Variants in ATP8A2 observed in about 807,000 individuals in gnomAD.
ATP8A2 encodes phospholipid-transporting ATPase IB.
ATP8A2 carries 100 observed loss-of-function variants against 165.6 expected under a neutral mutation model. The observed-to-expected ratio is 0.60, with a 90% CI of 0.51 to 0.71. ATP8A2 has a LOEUF of 0.71. Among genes scored for constraint, ATP8A2 ranks in the 30% least tolerant of loss-of-function variants. The pLI is 0.00. For missense variants in ATP8A2, 1,227 were observed against 1,479.5 expected, an observed-to-expected ratio of 0.83 and a Z score of 2.80; for synonymous variants, 543 against 548.8, an observed-to-expected ratio of 0.99 and a Z score of 0.15.
intron 32 of ATP8A2, 90 bp from the exon 33 acceptor site, chr13:25,862,211 T>G (rs1296166413): frequency 1.2e-6 from 1 of 847,906 alleles, no homozygotes; most frequent in Non-Finnish European, 2.0e-6. Context: ...GAAAGGTAGC[T>G]TGGATGCAAG....
chr13:25,824,675 C>G (rs1951270119), intron 27 of ATP8A2, among the ~76,000 whole-genome samples: 1 of 152,088 alleles, frequency 6.6e-6, no homozygotes, highest in Non-Finnish European at 1.5e-5. Context: ...GAGGAAATTT[C>G]TGTGTGTTAT....
At chr13:25,938,597 A>G (rs1444713861) in intron 33 of ATP8A2, among the ~76,000 whole-genome samples, 1 of 152,176 alleles carries the variant, frequency 6.6e-6, no homozygotes, top group African/African-American at 2.4e-5. Context: ...CTAACAGGAC[A>G]CGGAATGGAT....
At chr13:25,865,600 C>T (rs1287589611) in intron 33 of ATP8A2, among the ~76,000 whole-genome samples, 1 of 152,084 alleles carries the variant, frequency 6.6e-6, no homozygotes, top group African/African-American at 2.4e-5. Context: ...CCCTTGAGGG[C>T]AAAGGAAAGG....
At chr13:25,906,149 C>G (rs527832289) in intron 33 of ATP8A2, among the ~76,000 whole-genome samples, 1 of 152,188 alleles carries the variant, frequency 6.6e-6, no homozygotes, top group South Asian at 2.1e-4. Context: ...TTTTGTCATT[C>G]ATCTTCTGAC....
chr13:25,679,052 T>G (rs1484441385), intron 24 of ATP8A2, among the ~76,000 whole-genome samples: 1 of 152,144 alleles, frequency 6.6e-6, no homozygotes, highest in Non-Finnish European at 1.5e-5. Context: ...TAAAGGCTTC[T>G]AGTAAGAATT....
intron 24 of ATP8A2, among the ~76,000 whole-genome samples, chr13:25,629,042 T>C (rs2041173554): frequency 6.6e-6 from 1 of 152,202 alleles, no homozygotes; most frequent in African/African-American, 2.4e-5. Flanking sequence ...AATAGGTCTG[T>C]TGGCCACTGT....
chr13:25,818,272 G>A (rs1405832224), intron 27 of ATP8A2, among the ~76,000 whole-genome samples: 1 of 152,132 alleles, frequency 6.6e-6, no homozygotes, highest in Non-Finnish European at 1.5e-5. Flanking sequence ...CAAGGAAAAA[G>A]ATCTGGATAA....
At chr13:25,560,074 C>T (rs66811831) in intron 15 of ATP8A2, among the ~76,000 whole-genome samples, 18,334 of 152,098 alleles carry the variant, frequency 0.12, 1,336 homozygotes, top group Non-Finnish European at 0.18. Flanking sequence ...GCTATCCTCC[C>T]GCTGTGTCTT....
chr13:25,471,026 T>C (rs1420644203), intron 2 of ATP8A2, among the ~76,000 whole-genome samples: 1 of 152,188 alleles, frequency 6.6e-6, no homozygotes, highest in Admixed American at 6.6e-5. Flanking sequence ...TTTGGGGTGA[T>C]GGTTGCACAA....
chr13:25,690,248 A>G (rs2042695175), intron 24 of ATP8A2, among the ~76,000 whole-genome samples: 1 of 152,104 alleles, frequency 6.6e-6, no homozygotes, highest in Non-Finnish European at 1.5e-5. Context: ...TGAGTGCATA[A>G]ATAGTCTCTT....
At chr13:25,630,083 C>CG (rs534530838) in intron 24 of ATP8A2, among the ~76,000 whole-genome samples, 8 of 122,966 alleles carry the variant, frequency 6.5e-5, no homozygotes, top group South Asian at 2.8e-4. Flanking sequence ...TTTTGTCCCC[C>CG]CCCCACCACC....
At chr13:25,717,418 TAAA>T (rs55732375) in intron 25 of ATP8A2, among the ~76,000 whole-genome samples, 7 of 95,042 alleles carry the variant, frequency 7.4e-5, no homozygotes, top group African/African-American at 1.8e-4. Flanking sequence ...CTGAAAAAAC[TAAA>T]AAAAAAAAAA....
intron 24 of ATP8A2, among the ~76,000 whole-genome samples, chr13:25,611,259 T>C (rs574744079): frequency 8.5e-5 from 13 of 152,236 alleles, no homozygotes; most frequent in African/African-American, 3.1e-4. Context: ...TTTTCTCCAT[T>C]TGGTATAATA....
intron 25 of ATP8A2, among the ~76,000 whole-genome samples, chr13:25,702,614 G>A (rs750500730): frequency 6.6e-6 from 1 of 152,164 alleles, no homozygotes; most frequent in Non-Finnish European, 1.5e-5. Flanking sequence ...GAGAGGAGAC[G>A]TGGCCTTTGG....
chr13:25,973,854 G>A (rs546325271), intron 35 of ATP8A2, among the ~76,000 whole-genome samples: 5 of 152,192 alleles, frequency 3.3e-5, no homozygotes, highest in African/African-American at 7.2e-5. Context: ...AGTACTGGCC[G>A]TTGGCAGTGC....
intron 33 of ATP8A2, among the ~76,000 whole-genome samples, chr13:25,956,171 TG>T (rs1188020372): frequency 6.6e-6 from 1 of 152,216 alleles, no homozygotes. Context: ...TCATACTGAA[TG>T]GGCAAAAGCT....
chr13:25,381,067 A>G (rs1177940396), intron 1 of ATP8A2, among the ~76,000 whole-genome samples: 4 of 152,134 alleles, frequency 2.6e-5, no homozygotes, highest in African/African-American at 9.7e-5. Context: ...TTTGAACCTA[A>G]TCTCTAATAG....
At chr13:25,663,103 A>G (rs1200555338) in intron 24 of ATP8A2, among the ~76,000 whole-genome samples, 1 of 152,176 alleles carries the variant, frequency 6.6e-6, no homozygotes, top group Non-Finnish European at 1.5e-5. Flanking sequence ...AGATTTGAGG[A>G]CATTAAGGCT....
intron 4 of ATP8A2, among the ~76,000 whole-genome samples, chr13:25,531,421 A>ATATATATATGATTATATATATGAT (rs1298618013): frequency 5.6e-4 from 17 of 30,184 alleles, no homozygotes; most frequent in East Asian, 9.6e-4. Context: ...TATATATATG[A>ATATATATATGATTATATATATGAT]TATATATATG....
Sources: gnomAD v4.1 joint callset for allele counts (sites outside exome capture counted in the v4.1 genomes callset) on GRCh38, gnomAD v4.1.1 for gene constraint, MANE v1.5 for transcripts, NCBI Gene and HGNC (gene_info 2026-07-23, HGNC 2026-07-21) for gene names.